The following HSD11B1L variants were observed in gnomAD, a reference collection of about 807,000 sequenced individuals.
HSD11B1L encodes the protein hydroxysteroid 11-beta-dehydrogenase 1-like protein.
Under a neutral mutation model 27.0 loss-of-function variants are expected in HSD11B1L, and 22 were observed. That is an observed-to-expected ratio of 0.81 (90% CI 0.58 to 1.16). The LOEUF is 1.16. HSD11B1L is among the 50% of genes most tolerant of loss of function. HSD11B1L has a pLI of 0.00. For missense variants in HSD11B1L, 372 were observed against 401.8 expected (o/e 0.93, Z 0.63); for synonymous variants, 187 against 189.2 (o/e 0.99, Z 0.09).
Position 5,684,882 on chromosome 19 carries a change from A to G in HSD11B1L, c.50A>G (p.Tyr17Cys), listed in dbSNP as rs746243674. The G allele has an allele frequency of 6.2e-7, 1 of 1,613,822 alleles. No homozygotes were observed. The highest frequency in any genetic ancestry group is 8.5e-7 in the Non-Finnish European group (1 of 1,179,970). Reference protein sequence around the residue: ...TGLGALFFAYYWDDNFDPASL... With the variant: ...TGLGALFFAYCWDDNFDPASL... ...CTGGGGGCCCTGTTCTTCGCCTATT[A>G]TTGGGATGACAACTTCGACCCAGGT... Residue 17 changes from tyrosine to cysteine, a missense_variant, in exon 2 of 8, where the codon TAT (tyrosine) becomes TGT (cysteine). Physicochemically the swap from Tyr to Cys is radical, Grantham distance 194 (BLOSUM62 -2). Transcript: ENST00000339423.
Position 5,688,446 on chromosome 19 carries a change from G to A in HSD11B1L, c.*501G>A, listed in dbSNP as rs1232838625. The A allele has an allele frequency of 7.6e-6, 4 of 527,316 alleles. No homozygotes were observed. Among genetic ancestry groups the A allele is most frequent in the South Asian group, 5.0e-5 (2 of 39,822 alleles). 32.7% of individuals were successfully genotyped at this position (527,316 alleles called of 1,614,324 possible). ...GTCTACCTGGTGGCAGGGTCTGAGC[G>A]GGAGGAGGAGGGAAAGAGTGTGTTC... On this transcript the variant is annotated 3_prime_UTR_variant, in exon 8 of 8. Transcript: ENST00000339423.
Position 5,687,473 on chromosome 19 carries a change from C to G in HSD11B1L, c.503-30C>G. ...GGCAGGCTTCCCGGACGAGGGGGAG[C>G]CACTCAGCCGCTGCCGTCCGCGCCC... On this transcript the variant is annotated intron_variant, in intron 6 of 7. Transcript: ENST00000339423. The surrounding 1 kb of genome is among the most constrained non-coding windows in gnomAD (Gnocchi z 6.6). 1 of 1,588,284 alleles carries G rather than the reference C, an allele frequency of 6.3e-7. No individual in the cohort carries two copies.
At chr19:5,686,305 C>T (rs1006462695) in intron 3 of HSD11B1L, 111 bp from the exon 4 acceptor site, 7 of 726,982 alleles carry the variant, frequency 9.6e-6, no homozygotes, top group Non-Finnish European at 1.6e-5. Flanking sequence ...TCCCGAGGCT[C>T]AGAGTAGGGG....
intron 4 of HSD11B1L, 73 bp downstream of exon 4, chr19:5,686,600 TGTGG>T: frequency 8.3e-7 from 1 of 1,205,216 alleles, no homozygotes; most frequent in South Asian, 1.4e-5. Flanking sequence ...AGAATTGGGC[TGTGG>T]GTGTGGCCAC....
chr19:5,684,277 A>C, intron 1 of HSD11B1L: 1 of 333,810 alleles, frequency 3.0e-6, no homozygotes, highest in Non-Finnish European at 5.4e-6. Flanking sequence ...CAGCCTCCCA[A>C]AGTGCTGGGA....
intron 1 of HSD11B1L, chr19:5,683,987 T>G (rs1421973076): frequency 2.3e-6 from 1 of 436,916 alleles, no homozygotes; most frequent in African/African-American, 2.0e-5. Context: ...TTTGTTTGTT[T>G]GTTTTTGATA....
rs769654914 is a variant in HSD11B1L, at chr19:5,687,726, G to T, written c.669-27G>T. On this transcript the variant is annotated intron_variant, in intron 7 of 7. Transcript: ENST00000339423. The surrounding 1 kb of genome is among the most constrained non-coding windows in gnomAD (Gnocchi z 6.6). ...GGGCCATGGCCCAGCCCCAGCCGCAGTCCCCACCGTGCCCTCCTGTCCCCA... is the reference window on the plus strand; with the variant it reads ...GGGCCATGGCCCAGCCCCAGCCGCATTCCCCACCGTGCCCTCCTGTCCCCA... 9 of 1,500,174 alleles carry T rather than the reference G, an allele frequency of 6.0e-6. No homozygotes were observed. Among genetic ancestry groups the T allele is most frequent in the Non-Finnish European group, 7.1e-6 (8 of 1,128,314 alleles). 92.9% of individuals were successfully genotyped at this position (1,500,174 alleles called of 1,614,324 possible).
intron 1 of HSD11B1L, chr19:5,684,493 A>G: frequency 2.0e-6 from 1 of 492,156 alleles, no homozygotes; most frequent in Non-Finnish European, 3.6e-6. Flanking sequence ...CGGAGTGAGC[A>G]AGGAGGACAG....
chr19:5,684,804 C>T lies in HSD11B1L; in HGVS notation c.-14-15C>T, dbSNP rs1482089898. ...AGGCCTGTGCCGGCCACCTCTGTCC[C>T]CTGTCCCTCTGCAGGCCCACACAGG... On this transcript the variant is annotated splice_polypyrimidine_tract_variant and intron_variant, in intron 1 of 7. Coordinates refer to ENST00000339423, the MANE Select transcript of HSD11B1L (RefSeq NM_198706.3). 1.3e-5 allele frequency: 21 copies of T among 1,613,388 alleles called. No homozygotes were observed. In the Admixed American group the frequency reaches 3.5e-4, roughly 27 times the overall value.
At position 5,686,893 on chromosome 19, in the gene HSD11B1L, G is replaced by A; in HGVS notation, c.317-7G>A. The stretch of plus-strand genomic sequence containing the variant: ...GCCTCCGGGGCTGACCGGCGTTTCT[G>A]GGCCAGGCGGGCTGGACTACCTCGT... On this transcript the variant is annotated splice_region_variant and splice_polypyrimidine_tract_variant and intron_variant, in intron 4 of 7. Transcript: ENST00000339423. 6.5e-7 allele frequency: 1 copy of A among 1,541,666 alleles called. No individual in the cohort carries two copies. The highest frequency in any genetic ancestry group is 8.8e-7 in the Non-Finnish European group (1 of 1,142,826).
In HSD11B1L at chr19:5,687,620, T is replaced by C; in HGVS notation, c.620T>C (p.Met207Thr). 6.3e-7 allele frequency: 1 copy of C among 1,597,378 alleles called. No individual in the cohort carries two copies. The highest frequency in any genetic ancestry group is 1.7e-4 in the Middle Eastern group (1 of 5,836). Residue 207 changes from methionine (M) to threonine (T), a missense_variant, in exon 7 of 8, where the codon ATG becomes ACG. Transcript: ENST00000339423. This position sits in a 1 kb window ranked among gnomAD's most constrained non-coding sequence, Gnocchi z 6.6. ...DVQDVNVAIT[M>T]CVLGLRDRAS... ...CAGGACGTGAACGTGGCCATCACCA[T>C]GTGCGTCCTGGGCCTCCGAGATCGC...
chr19:5,683,488 G>C (rs2054609497), intron 1 of HSD11B1L, among the ~76,000 whole-genome samples: 1 of 152,204 alleles, frequency 6.6e-6, no homozygotes, highest in East Asian at 1.9e-4. Context: ...ACCTGGCACA[G>C]TTTTGGGCCC....
In HSD11B1L at chr19:5,688,140, G is replaced by C; in HGVS notation, c.*195G>C. ...ACGGCTTGGGAGGTGCAGGTGCCCC[G>C]TGTTAGGCGCCTTTGTCGGGGACTT... On this transcript the variant is annotated 3_prime_UTR_variant, in exon 8 of 8. Transcript: ENST00000339423. 1 of 1,551,160 alleles carries C rather than the reference G, an allele frequency of 6.4e-7. No homozygotes were observed. The highest frequency in any genetic ancestry group is 8.7e-7 in the Non-Finnish European group (1 of 1,146,986).
chr19:5,687,486 G>A lies in HSD11B1L; in HGVS notation c.503-17G>A. 2 of 1,588,670 alleles carry A rather than the reference G, an allele frequency of 1.3e-6. No homozygotes were observed. On this transcript the variant is annotated splice_polypyrimidine_tract_variant and intron_variant, in intron 6 of 7. Transcript: ENST00000339423. The surrounding 1 kb of genome is among the most constrained non-coding windows in gnomAD (Gnocchi z 6.6). ...GACGAGGGGGAGCCACTCAGCCGCT[G>A]CCGTCCGCGCCCCCAGGCCGCGTGC...
intron 3 of HSD11B1L, 113 bp from the exon 4 acceptor site, chr19:5,686,303 C>T: frequency 1.4e-6 from 1 of 720,010 alleles, no homozygotes; most frequent in Non-Finnish European, 2.3e-6. Flanking sequence ...GGTCCCGAGG[C>T]TCAGAGTAGG....
chr19:5,681,425 T>A (rs1214676120), intron 1 of HSD11B1L, among the ~76,000 whole-genome samples, 154 bp downstream of exon 1: 1 of 152,192 alleles, frequency 6.6e-6, no homozygotes, highest in Non-Finnish European at 1.5e-5. Flanking sequence ...CAACCGTTCA[T>A]CTGCCCATCC....
Position 5,684,979 on chromosome 19 carries a change from C to T in HSD11B1L, c.74-10C>T. 1.9e-6 allele frequency: 3 copies of T among 1,610,528 alleles called. No individual in the cohort carries two copies. Among genetic ancestry groups the T allele is most frequent in the Middle Eastern group, 3.3e-4 (2 of 6,060 alleles). On this transcript the variant is annotated splice_polypyrimidine_tract_variant and intron_variant, in intron 2 of 7. Transcript: ENST00000339423. ...CCTCCGCCCAGAGTGACCACCCCGG[C>T]TATGGCCAGCCAGCCTCCAGGGAGC...
At position 5,685,229 on chromosome 19, in the gene HSD11B1L, G is replaced by C; in HGVS notation, c.204+110G>C. On this transcript the variant is annotated intron_variant, in intron 3 of 7. Transcript: ENST00000339423. This position sits in a 1 kb window ranked among gnomAD's most constrained non-coding sequence, Gnocchi z 4.3. Reference sequence around the variant, plus strand: ...AGGCTTCCCGTGTGACCTTGGGCAAGTCGCCTAACCTCTCTGAGCCTCTCA... The same window carrying C: ...AGGCTTCCCGTGTGACCTTGGGCAACTCGCCTAACCTCTCTGAGCCTCTCA... 1 of 1,392,006 alleles carries C rather than the reference G, an allele frequency of 7.2e-7. No individual in the cohort carries two copies. The highest frequency in any genetic ancestry group is 9.8e-7 in the Non-Finnish European group (1 of 1,015,884). 86.2% of individuals were successfully genotyped at this position (1,392,006 alleles called of 1,614,324 possible).
Position 5,687,098 on chromosome 19 carries a change from G to A in HSD11B1L, c.408+107G>A. The A allele has an allele frequency of 8.5e-7, 1 of 1,169,620 alleles. No individual in the cohort carries two copies. The highest frequency in any genetic ancestry group is 1.2e-6 in the Non-Finnish European group (1 of 828,316). 72.5% of individuals were successfully genotyped at this position (1,169,620 alleles called of 1,614,324 possible). On this transcript the variant is annotated intron_variant, in intron 5 of 7. Coordinates refer to ENST00000339423, the MANE Select transcript of HSD11B1L (RefSeq NM_198706.3). The surrounding 1 kb of genome is among the most constrained non-coding windows in gnomAD (Gnocchi z 6.6). ...CTTCTCCAGGGAGGGCTCTCCACCC[G>A]TCCCGCCCCAGCCACGCCCCTCCTA...
Sources: gnomAD v4.1 joint callset for allele counts (sites outside exome capture counted in the v4.1 genomes callset) on GRCh38, gnomAD v4.1.1 for gene constraint, Gnocchi (gnomAD v3.1) non-coding constraint, MANE v1.5 for transcripts, NCBI Gene and HGNC (gene_info 2026-07-23, HGNC 2026-07-21) for gene names.